The following FNDC7 variants were observed in gnomAD, a reference collection of about 807,000 sequenced individuals.
The protein encoded by FNDC7 is fibronectin type III domain containing 7.
A neutral mutation model predicts 74.2 loss-of-function variants in FNDC7; 66 were observed. The ratio of observed to expected loss-of-function variants is 0.89; its 90% CI spans 0.73 to 1.09. The LOEUF is 1.09. Ranked by LOEUF, FNDC7 falls within the 50% of genes least tolerant of loss-of-function variation. The probability of loss-of-function intolerance (pLI) is 0.00; values close to 1 mark genes in which losing one functional copy is unlikely to be tolerated. For missense variants in FNDC7, 829 were observed against 893.4 expected, an observed-to-expected ratio of 0.93 and a Z score of 0.92; for synonymous variants, 307 against 330.2, an observed-to-expected ratio of 0.93 and a Z score of 0.76.
chr1:108,738,336 T>G (rs1661562985), intron 11 of FNDC7, among the ~76,000 whole-genome samples: 1 of 152,156 alleles, frequency 6.6e-6, no homozygotes, highest in South Asian at 2.1e-4. Flanking sequence ...TAGGCTATTT[T>G]GGTTGCCCCC....
At chr1:108,732,341 C>CAAAAAAAAA (rs67731443) in intron 9 of FNDC7, among the ~76,000 whole-genome samples, 2 of 103,230 alleles carry the variant, frequency 1.9e-5, no homozygotes, top group African/African-American at 7.9e-5. Flanking sequence ...GACTCCGTCT[C>CAAAAAAAAA]AAAAAAAAAA....
At chr1:108,714,605 AT>A (rs71098692) in intron 2 of FNDC7, among the ~76,000 whole-genome samples, 19 of 102,140 alleles carry the variant, frequency 1.9e-4, no homozygotes, top group South Asian at 6.8e-4. Context: ...ACAAAGTGGC[AT>A]TTTTTTTTTT....
At position 108,730,680 on chromosome 1, in the gene FNDC7, G is replaced by A. The variant is rs752548129; in HGVS notation, c.1631G>A (p.Cys544Tyr). ...SYSVPLETVP[C>Y]CPTGLTVTQI... ...TTCTTTTATCCCATTTAAGTGCCAT[G>A]CTGTCCAACCGGTCTGACAGTAACT... The change falls in exon 9 of 13, where the codon TGC (cysteine) becomes TAC (tyrosine). Residue 544 changes from cysteine to tyrosine, a missense_variant. Cys to Tyr is a radical substitution (Grantham distance 194). Transcript: ENST00000370017. 1 of 1,551,238 alleles carries A rather than the reference G, an allele frequency of 6.4e-7. No homozygotes were observed. Among genetic ancestry groups the A allele is most frequent in the Non-Finnish European group, 8.7e-7 (1 of 1,145,390 alleles).
intron 4 of FNDC7, 81 bp downstream of exon 4, chr1:108,719,130 G>A (rs1379233746): frequency 2.7e-6 from 4 of 1,475,808 alleles, no homozygotes; most frequent in Non-Finnish European, 3.7e-6. Flanking sequence ...ATCAAGGGCA[G>A]TGTTACATGA....
chr1:108,722,732 T>G, intron 5 of FNDC7, 140 bp downstream of exon 5: 1 of 996,988 alleles, frequency 1.0e-6, no homozygotes, highest in South Asian at 2.6e-5. Flanking sequence ...GAGTTGGACA[T>G]TCTCATGAGT....
chr1:108,742,564 G>A lies in FNDC7; in HGVS notation c.*677G>A, dbSNP rs1044788030. ...CTGTTGCTAGAAGGGTTGCAGTTATGCTTTCTGCATGAGAGAAGATGTCAA... is the reference window on the plus strand; with the variant it reads ...CTGTTGCTAGAAGGGTTGCAGTTATACTTTCTGCATGAGAGAAGATGTCAA... On this transcript the variant is annotated 3_prime_UTR_variant, in exon 13 of 13. Coordinates refer to ENST00000370017, the MANE Select transcript of FNDC7 (RefSeq NM_001144937.3). The A allele has an allele frequency of 3.9e-5, 6 of 152,198 alleles. No individual in the cohort carries two copies. The highest frequency in any genetic ancestry group is 1.4e-4 in the African/African-American group (6 of 41,444). 9.4% of individuals were successfully genotyped at this position (152,198 alleles called of 1,614,324 possible). A position where few individuals can be genotyped will look rare whatever the true frequency, so the allele number is the denominator to read the frequency against.
Position 108,733,520 on chromosome 1 carries a change from A to G in FNDC7, c.2128A>G (p.Lys710Glu). ...TGLKLTFCPKKIYSVTCSGST... is the reference protein window; with the variant it reads ...TGLKLTFCPKEIYSVTCSGST... ...ATTGAAGCTTACTTTCTGTCCAAAA[A>G]AAATATATTCAGGTAAAGCAAGTTA... The change falls in exon 10 of 13, where the codon AAA (lysine) becomes GAA (glutamate). Residue 710 changes from lysine to glutamate, a missense_variant. By Grantham distance (56) the Lys-to-Glu change is moderately conservative. Coordinates refer to ENST00000370017, the MANE Select transcript of FNDC7 (RefSeq NM_001144937.3). 1 of 1,612,422 alleles carries G rather than the reference A, an allele frequency of 6.2e-7. No individual in the cohort carries two copies. The highest frequency in any genetic ancestry group is 8.5e-7 in the Non-Finnish European group (1 of 1,178,480).
At chr1:108,728,152 TA>T in intron 7 of FNDC7, 87 bp downstream of exon 7, 2 of 1,469,262 alleles carry the variant, frequency 1.4e-6, no homozygotes, top group Middle Eastern at 1.8e-4. Flanking sequence ...GTGAGACCAA[TA>T]AAAAGGTTAA....
chr1:108,714,490 A>G (rs1660932132), intron 2 of FNDC7, among the ~76,000 whole-genome samples: 1 of 152,224 alleles, frequency 6.6e-6, no homozygotes, highest in Non-Finnish European at 1.5e-5. Flanking sequence ...AGCCTGGGCA[A>G]CATAGCAACA....
chr1:108,728,238 G>A (rs188761450), intron 7 of FNDC7, among the ~76,000 whole-genome samples, 173 bp downstream of exon 7: 19 of 152,320 alleles, frequency 1.2e-4, no homozygotes, highest in African/African-American at 4.3e-4. Flanking sequence ...GAAGGCAGAA[G>A]AGGAAAGTGG....
chr1:108,721,692 C>A (rs1661096434), intron 4 of FNDC7, among the ~76,000 whole-genome samples: 1 of 152,138 alleles, frequency 6.6e-6, no homozygotes, highest in Admixed American at 6.5e-5. Context: ...GGTATATTTA[C>A]AAGAATGTAG....
intron 11 of FNDC7, 76 bp from the exon 12 acceptor site, chr1:108,741,697 A>G: frequency 6.8e-7 from 1 of 1,463,690 alleles, no homozygotes; most frequent in Non-Finnish European, 9.5e-7. Context: ...ATAAAATCTC[A>G]GACACTGGTG....
chr1:108,722,369 C>G lies in FNDC7; in HGVS notation c.633C>G (p.Phe211Leu). 3 of 1,613,514 alleles carry G rather than the reference C, an allele frequency of 1.9e-6. No individual in the cohort carries two copies. The African/African-American group carries it at 4.0e-5, about 22-fold the overall frequency. Residue 211 changes from phenylalanine (F) to leucine (L), a missense_variant, in exon 5 of 13, where the codon TTC becomes TTG. Physicochemically the swap from Phe to Leu is conservative, Grantham distance 22. Transcript: ENST00000370017. ...CCCCTGCCAACATTCAAGTCTCTTTCGATAGTGGAGCTCTGAAGGCATCTT... is the reference window on the plus strand; with the variant it reads ...CCCCTGCCAACATTCAAGTCTCTTTGGATAGTGGAGCTCTGAAGGCATCTT... The part of the protein sequence containing the change: ...PRAPANIQVS[F>L]DSGALKASFS...
intron 4 of FNDC7, among the ~76,000 whole-genome samples, chr1:108,721,649 G>A (rs900720253): frequency 1.3e-5 from 2 of 152,110 alleles, no homozygotes; most frequent in South Asian, 2.1e-4. Flanking sequence ...ACCTTCTTAC[G>A]CTTTTTTAAT....
rs768276314 is a variant in FNDC7, at chr1:108,726,007, A to G, written c.1111+3A>G. 1 of 1,613,990 alleles carries G rather than the reference A, an allele frequency of 6.2e-7. No homozygotes were observed. Among genetic ancestry groups the G allele is most frequent in the South Asian group, 1.1e-5 (1 of 91,072 alleles). Reference sequence around the variant, plus strand: ...TGACATATTCAATTATACCACAGGTAAGTCCCATTTGATGTTTGTTAAGGG... The same window carrying G: ...TGACATATTCAATTATACCACAGGTGAGTCCCATTTGATGTTTGTTAAGGG... On this transcript the variant is annotated splice_donor_region_variant and intron_variant, in intron 6 of 12. Coordinates refer to ENST00000370017, the MANE Select transcript of FNDC7 (RefSeq NM_001144937.3).
chr1:108,713,112 C>T, intron 1 of FNDC7, 116 bp downstream of exon 1: 2 of 952,884 alleles, frequency 2.1e-6, no homozygotes, highest in Non-Finnish European at 3.1e-6. Flanking sequence ...AATCAGAATA[C>T]TTTGGTTTGT....
intron 7 of FNDC7, among the ~76,000 whole-genome samples, 193 bp downstream of exon 7, chr1:108,728,258 A>C (rs1290892811): frequency 6.6e-6 from 1 of 152,212 alleles, no homozygotes. Flanking sequence ...GAAAAAATGA[A>C]AACAAAAGGG....
intron 10 of FNDC7, among the ~76,000 whole-genome samples, chr1:108,735,834 C>T (rs991470630): frequency 6.6e-6 from 1 of 151,850 alleles, no homozygotes; most frequent in African/African-American, 2.4e-5. Context: ...GAGAAAGGGT[C>T]TTGCTTTTTC....
intron 4 of FNDC7, among the ~76,000 whole-genome samples, chr1:108,721,791 G>C (rs1256176572): frequency 6.6e-6 from 1 of 152,166 alleles, no homozygotes. Context: ...ATAATGAATG[G>C]AAAGAAAATC....
Sources: gnomAD v4.1 joint callset for allele counts (sites outside exome capture counted in the v4.1 genomes callset) on GRCh38, gnomAD v4.1.1 for gene constraint, MANE v1.5 for transcripts, NCBI Gene and HGNC (gene_info 2026-07-23, HGNC 2026-07-21) for gene names.